Variants in DHX16 observed in about 807,000 individuals in gnomAD.
The protein encoded by DHX16 is pre-mRNA-splicing factor ATP-dependent RNA helicase DHX16.
In DHX16, 81 loss-of-function variants were observed where a neutral mutation model predicts 131.2. The observed-to-expected ratio is 0.62, with a 90% confidence interval of 0.52 to 0.74. DHX16 has a LOEUF of 0.74. Among genes scored for constraint, DHX16 ranks in the 30% least tolerant of loss-of-function variants. DHX16 has a pLI of 0.00. For missense variants in DHX16, 980 were observed against 1,363.1 expected (o/e 0.72, Z 4.43); for synonymous variants, 440 against 520.2 (o/e 0.85, Z 2.10).
chr6:30,665,341 C>T lies in DHX16; in HGVS notation c.922-67G>A, dbSNP rs1768938684. 3 of 1,590,824 alleles carry T rather than the reference C, an allele frequency of 1.9e-6. No individual in the cohort carries two copies. Among genetic ancestry groups the T allele is most frequent in the Non-Finnish European group, 2.6e-6 (3 of 1,170,744 alleles). The stretch of plus-strand genomic sequence containing the variant: ...TCCTCTCTGCCCTCTCCCCTCTTCC[C>T]ATTACTACCCCCGCCCACTGCCCAT... On this transcript the variant is annotated intron_variant, in intron 5 of 19. Transcript: ENST00000376442. This position sits in a 1 kb window ranked among gnomAD's most constrained non-coding sequence, Gnocchi z 4.8.
Position 30,656,282 on chromosome 6 carries a change from G to A in DHX16, c.2431-17C>T, listed in dbSNP as rs758159310. ...TCGACCAGACTAAGGAGAAGAGAGA[G>A]AGAGTTGAGCCCAGTCCTCCCTCAG... On this transcript the variant is annotated splice_polypyrimidine_tract_variant and intron_variant, in intron 15 of 19. Transcript: ENST00000376442. The surrounding 1 kb of genome is among the most constrained non-coding windows in gnomAD (Gnocchi z 5.1). 2.5e-6 allele frequency: 4 copies of A among 1,613,958 alleles called. 1 individual carries two copies. Among genetic ancestry groups the A allele is most frequent in the Non-Finnish European group, 8.5e-7 (1 of 1,179,972 alleles).
At chr6:30,669,842 C>T (rs1270904146) in intron 4 of DHX16, among the ~76,000 whole-genome samples, 1 of 151,210 alleles carries the variant, frequency 6.6e-6, no homozygotes, top group Admixed American at 6.6e-5. Flanking sequence ...AAGACCAGGC[C>T]TTTGGAAAAC....
intron 9 of DHX16, among the ~76,000 whole-genome samples, chr6:30,660,945 T>A (rs1768453119): frequency 6.6e-6 from 1 of 151,536 alleles, no homozygotes; most frequent in Non-Finnish European, 1.5e-5. Context: ...TGTTGCAGGC[T>A]GGAGTGTAGT....
Position 30,672,632 on chromosome 6 carries a change from C to T in DHX16, c.207+3G>A, listed in dbSNP as rs980060130. 1 of 1,606,210 alleles carries T rather than the reference C, an allele frequency of 6.2e-7. No individual in the cohort carries two copies. The highest frequency in any genetic ancestry group is 8.5e-7 in the Non-Finnish European group (1 of 1,174,318). ...CAGGGCCCCTCCCCACCCCTGCCGA[C>T]ACCTTGTTCCAGAGTCTCAGGGCGA... On this transcript the variant is annotated splice_donor_region_variant and intron_variant, in intron 1 of 19. Transcript: ENST00000376442.
At position 30,672,706 on chromosome 6, in the gene DHX16, G is replaced by A; in HGVS notation, c.136C>T (p.Arg46Cys). Reference protein sequence around the residue: ...RCTSAEEFVQRLRDTDTLDLS... With the variant: ...RCTSAEEFVQCLRDTDTLDLS... ...TCCAAGGTATCAGTGTCTCGTAGGCGCTGCACGAACTCCTCGGCAGAGGTG... is the reference window on the plus strand; with the variant it reads ...TCCAAGGTATCAGTGTCTCGTAGGCACTGCACGAACTCCTCGGCAGAGGTG... Residue 46 changes from arginine to cysteine, a missense_variant, in exon 1 of 20, where the codon CGC (arginine) becomes TGC (cysteine). Physicochemically the swap from Arg to Cys is radical, Grantham distance 180 (BLOSUM62 -3). Around this residue, in one of 3 missense-constraint regions of DHX16, gnomAD observed 457 missense variants for 554.8 expected, o/e 0.82. Transcript: ENST00000376442. The A allele has an allele frequency of 2.5e-6, 4 of 1,613,028 alleles. No individual in the cohort carries two copies. Among genetic ancestry groups the A allele is most frequent in the Non-Finnish European group, 3.4e-6 (4 of 1,180,008 alleles).
Position 30,655,594 on chromosome 6 carries a change from G to A in DHX16, c.2502C>T (p.Tyr834=), listed in dbSNP as rs1203849790. ...CTGTCAGGATCTCCTCTGAACAGCT[G>A]TACCTGGGACAGGAAGGGGAAAGCA... ...LSKMILASEK[Y]SCSEEILTVA... is the part of the protein sequence containing the mutation. Residue 834 remains tyrosine, a synonymous_variant, in exon 17 of 20, where the codon TAC becomes TAT. Coordinates refer to ENST00000376442, the MANE Select transcript of DHX16 (RefSeq NM_003587.5). 1.2e-6 allele frequency: 2 copies of A among 1,613,120 alleles called. No individual in the cohort carries two copies. Among genetic ancestry groups the A allele is most frequent in the East Asian group, 2.2e-5 (1 of 44,888 alleles).
Position 30,662,551 on chromosome 6 carries a change from G to T in DHX16, c.1544+76C>A. The T allele has an allele frequency of 8.0e-7, 1 of 1,254,452 alleles. No homozygotes were observed. The highest frequency in any genetic ancestry group is 1.2e-6 in the Non-Finnish European group (1 of 863,480). The allele number at this position is 1,254,452 out of a possible 1,614,324, so 77.7% of individuals were successfully genotyped here. A position where few individuals can be genotyped will look rare whatever the true frequency, so the allele number is the denominator to read the frequency against. ...TTTGAACCACAAAGATTCAAGAACG[G>T]GTGGATTAATCAGAAGACAATGGCT... On this transcript the variant is annotated intron_variant, in intron 9 of 19. Transcript: ENST00000376442. The surrounding 1 kb of genome is among the most constrained non-coding windows in gnomAD (Gnocchi z 4.7).
intron 7 of DHX16, among the ~76,000 whole-genome samples, chr6:30,664,406 G>C (rs1768809295): frequency 6.7e-6 from 1 of 150,116 alleles, no homozygotes; most frequent in African/African-American, 2.5e-5. Context: ...GAACCCAGGA[G>C]TCAGAGGTTG....
chr6:30,660,764 C>T (rs1421231092), intron 9 of DHX16, among the ~76,000 whole-genome samples: 1 of 151,896 alleles, frequency 6.6e-6, no homozygotes, highest in Non-Finnish European at 1.5e-5. Context: ...CGCCTGTAGT[C>T]CCAGCTACTT....
chr6:30,668,561 G>C (rs186151452), intron 4 of DHX16, among the ~76,000 whole-genome samples: 150 of 152,254 alleles, frequency 9.9e-4, no homozygotes, highest in Non-Finnish European at 1.7e-3. Context: ...TGAGGCAGGA[G>C]AATCACTTGA....
intron 4 of DHX16, among the ~76,000 whole-genome samples, chr6:30,666,438 T>C (rs1561992957): frequency 6.6e-6 from 1 of 152,208 alleles, no homozygotes; most frequent in African/African-American, 2.4e-5. Context: ...TATAAGGCCC[T>C]TTCCTGCCAG....
At chr6:30,653,616 T>TCTTGGCCTCCCAAAGTGCTAGGATCCTGC (rs140329547) in intron 19 of DHX16, among the ~76,000 whole-genome samples, 140,804 of 150,356 alleles carry the variant, frequency 0.94, 66,019 homozygotes, top group East Asian at 1. Flanking sequence ...CCTGGGCTGA[T>TCTTGGCCTCCCAAAGTGCTAGGATCCTGC]CTTGGCCTCC....
chr6:30,661,116 C>T (rs537323513), intron 9 of DHX16, among the ~76,000 whole-genome samples: 22 of 148,514 alleles, frequency 1.5e-4, no homozygotes, highest in Non-Finnish European at 2.2e-4. Flanking sequence ...CTCACTCTGT[C>T]GCCCAGGCTG....
intron 4 of DHX16, among the ~76,000 whole-genome samples, chr6:30,666,022 T>C (rs1377840050): frequency 6.6e-6 from 1 of 152,198 alleles, no homozygotes; most frequent in Non-Finnish European, 1.5e-5. Flanking sequence ...TAGGGAGATG[T>C]CTGCGTAGCT....
chr6:30,656,726 G>T lies in DHX16; in HGVS notation c.2182C>A (p.Arg728=). 2.5e-6 allele frequency: 4 copies of T among 1,612,792 alleles called. No homozygotes were observed. The highest frequency in any genetic ancestry group is 3.4e-6 in the Non-Finnish European group (4 of 1,180,020). Residue 728 remains arginine (R), a synonymous_variant, in exon 14 of 20, where the codon CGG becomes AGG. Coordinates refer to ENST00000376442, the MANE Select transcript of DHX16 (RefSeq NM_003587.5). This position sits in a 1 kb window ranked among gnomAD's most constrained non-coding sequence, Gnocchi z 5.1. ...CGGAAGCACTTCCCTGCAGCCACCC[G>T]ACCTGCCCTGCCAGCTCGCTGATTG... The part of the protein sequence containing the change: ...SANQRAGRAG[R]VAAGKCFRLY...
chr6:30,665,174 A>G lies in DHX16; in HGVS notation c.1022T>C (p.Phe341Ser). The change falls in exon 6 of 20, where the codon TTT becomes TCT. Residue 341 changes from phenylalanine (F) to serine (S), a missense_variant. By Grantham distance (155) the Phe-to-Ser change is radical. Around this residue, in one of 3 missense-constraint regions of DHX16, gnomAD observed 457 missense variants for 554.8 expected, o/e 0.82. Transcript: ENST00000376442. This position sits in a 1 kb window ranked among gnomAD's most constrained non-coding sequence, Gnocchi z 4.8. The stretch of plus-strand genomic sequence containing the variant: ...CTGAGAGGCAGCATCTCGGGCCCCA[A>G]ACTTCAGGGACGCTGCCCCAAGCCG... ...EARLGAASLK[F>S]GARDAASQEP... 1 of 1,612,766 alleles carries G rather than the reference A, an allele frequency of 6.2e-7. No homozygotes were observed. The highest frequency in any genetic ancestry group is 8.5e-7 in the Non-Finnish European group (1 of 1,179,898).
At chr6:30,668,038 G>A (rs1435878678) in intron 4 of DHX16, among the ~76,000 whole-genome samples, 1 of 152,014 alleles carries the variant, frequency 6.6e-6, no homozygotes, top group South Asian at 2.1e-4. Flanking sequence ...GGGTAATGAG[G>A]GTATCTTTTA....
intron 1 of DHX16, among the ~76,000 whole-genome samples, chr6:30,671,713 T>A (rs1345457656): frequency 6.6e-6 from 1 of 152,080 alleles, no homozygotes; most frequent in Non-Finnish European, 1.5e-5. Context: ...TCACCCCATC[T>A]TCATCATCCT....
chr6:30,672,459 C>T (rs1230273736), intron 1 of DHX16, among the ~76,000 whole-genome samples, 176 bp downstream of exon 1: 1 of 152,168 alleles, frequency 6.6e-6, no homozygotes, highest in African/African-American at 2.4e-5. Context: ...CCCGACACAC[C>T]TAAGCCCTCC....
Sources: gnomAD v4.1 joint callset for allele counts (sites outside exome capture counted in the v4.1 genomes callset) on GRCh38, gnomAD v4.1.1 for gene constraint, gnomAD v4.1.1 regional missense constraint, Gnocchi (gnomAD v3.1) non-coding constraint, MANE v1.5 for transcripts, NCBI Gene and HGNC (gene_info 2026-07-23, HGNC 2026-07-21) for gene names.